Variants in GBP4 observed in about 807,000 individuals in gnomAD.
The protein encoded by GBP4 is guanylate binding protein 4, also known as guanylate-binding protein 4.
GBP4 carries 69 observed loss-of-function variants against 62.2 expected under a neutral mutation model. That is an observed-to-expected ratio of 1.11 (90% CI 0.91 to 1.36). The LOEUF is 1.36. Ranked by LOEUF, GBP4 falls within the 40% of genes most tolerant of loss-of-function variation. The pLI is 0.00. For missense variants in GBP4, 697 were observed against 759.3 expected (o/e 0.92, Z 0.96); for synonymous variants, 278 against 274.6 (o/e 1.01, Z -0.12).
chr1:89,191,203 C>T (rs1648171876), intron 6 of GBP4, 58 bp downstream of exon 6: 1 of 1,577,724 alleles, frequency 6.3e-7, no homozygotes, highest in Non-Finnish European at 8.6e-7. Flanking sequence ...GCAGTCATTA[C>T]AGCTTCAACA....
rs529438124 is a variant in GBP4 at position 89,186,446 on chromosome 1, C to G, written c.1594G>C (p.Glu532Gln). ...TCCTGGAAGCTTCTCTCTTGAGCCT[C>G]CATCATTTGCTGCTGCTCCTTCTGT... The part of the protein sequence containing the change: ...EKQKEQQQMM[E>Q]AQERSFQEYM... The change falls in exon 10 of 11, where the codon GAG becomes CAG. Residue 532 changes from glutamate (E) to glutamine (Q), a missense_variant. This residue lies in a region of GBP4 where 141 missense variants were observed against 196.6 expected (regional missense o/e 0.72). Transcript: ENST00000355754. 3.1e-6 allele frequency: 5 copies of G among 1,612,686 alleles called. No homozygotes were observed. The East Asian group carries it at 1.1e-4, about 36-fold the overall frequency.
rs1242390442 is a variant in GBP4, at chr1:89,183,544, G to A, written c.*1710C>T. ...AGCAATTGCAGCAAAAACAAAAACTGACAAAGGAGATCTAATTAAATTAAA... is the reference window on the plus strand; with the variant it reads ...AGCAATTGCAGCAAAAACAAAAACTAACAAAGGAGATCTAATTAAATTAAA... On this transcript the variant is annotated 3_prime_UTR_variant, in exon 11 of 11. Coordinates refer to ENST00000355754, the MANE Select transcript of GBP4 (RefSeq NM_052941.5). 6.6e-6 allele frequency: 1 copy of A among 152,140 alleles called. No homozygotes were observed. Among genetic ancestry groups the A allele is most frequent in the African/African-American group, 2.4e-5 (1 of 41,414 alleles). The allele number at this position is 152,140 out of a possible 1,614,324, so 9.4% of individuals were successfully genotyped here.
At chr1:89,198,730 G>A in intron 1 of GBP4, 65 bp downstream of exon 1, 1 of 1,396,268 alleles carries the variant, frequency 7.2e-7, no homozygotes, top group South Asian at 1.2e-5. Flanking sequence ...TCTGCGCTTG[G>A]GAATTTGTTG....
Position 89,197,192 on chromosome 1 carries a change from C to G in GBP4, c.153G>C (p.Gln51His), listed in dbSNP as rs1648369585. Residue 51 changes from glutamine (Q) to histidine (H), a missense_variant, in exon 2 of 11, where the codon CAG becomes CAC. By Grantham distance (24) the Gln-to-His change is conservative. Transcript: ENST00000355754. The part of the protein sequence containing the change: ...KALEILDKIS[Q>H]PVVVVAIVGL... ...CTACAATGGCCACCACCACCACGGG[C>G]TGAGAAATCTTGTCAAGAATCTCTA... 1.9e-6 allele frequency: 3 copies of G among 1,614,064 alleles called. No individual in the cohort carries two copies. In the South Asian group the frequency reaches 3.3e-5, roughly 18 times the overall value.
intron 1 of GBP4, 95 bp from the exon 2 acceptor site, chr1:89,197,399 G>T: frequency 1.1e-6 from 1 of 875,730 alleles, no homozygotes; most frequent in South Asian, 2.3e-5. Flanking sequence ...TTTTGCTTGT[G>T]GAATGGTATA....
chr1:89,186,400 T>C lies in GBP4; in HGVS notation c.1640A>G (p.Lys547Arg). The C allele has an allele frequency of 7.2e-7, 1 of 1,393,932 alleles. No individual in the cohort carries two copies. The highest frequency in any genetic ancestry group is 1.0e-6 in the Non-Finnish European group (1 of 979,666). The allele number at this position is 1,393,932 out of a possible 1,614,324, so 86.3% of individuals were successfully genotyped here. Residue 547 changes from lysine (K) to arginine (R), a missense_variant, in exon 10 of 11, where the codon AAG becomes AGG. By Grantham distance (26) the Lys-to-Arg change is conservative. This residue lies in a region of GBP4 where 141 missense variants were observed against 196.6 expected (regional missense o/e 0.72). Transcript: ENST00000355754. Reference sequence around the variant, plus strand: ...GTTTTCCCTTTCCTCCTCCAACTTCTTCTCCATTTGGGCCATGTATTCCTG... The same window carrying C: ...GTTTTCCCTTTCCTCCTCCAACTTCCTCTCCATTTGGGCCATGTATTCCTG... ...SFQEYMAQMEKKLEEERENLL... is the reference protein window; with the variant it reads ...SFQEYMAQMERKLEEERENLL...
In GBP4 at chr1:89,193,073, G is replaced by A; in HGVS notation, c.501C>T (p.Ile167=). 1 of 1,614,198 alleles carries A rather than the reference G, an allele frequency of 6.2e-7. No homozygotes were observed. The highest frequency in any genetic ancestry group is 8.5e-7 in the Non-Finnish European group (1 of 1,180,020). The part of the protein sequence containing the change: ...LHYVTELAEL[I]RAKSCPRPDE... ...CAGGTCTGGGGCAGGATTTTGCCCTGATTAGCTCTGCTAGCTCAGTCACAT... is the reference window on the plus strand; with the variant it reads ...CAGGTCTGGGGCAGGATTTTGCCCTAATTAGCTCTGCTAGCTCAGTCACAT... Residue 167 remains isoleucine, a synonymous_variant, in exon 5 of 11, where the codon ATC becomes ATT. Coordinates refer to ENST00000355754, the MANE Select transcript of GBP4 (RefSeq NM_052941.5).
Position 89,183,137 on chromosome 1 carries a change from C to T in GBP4, c.*2117G>A, listed in dbSNP as rs1647932686. On this transcript the variant is annotated 3_prime_UTR_variant, in exon 11 of 11. Coordinates refer to ENST00000355754, the MANE Select transcript of GBP4 (RefSeq NM_052941.5). ...AACAAAAGGGGAGGCATCAAGTTAC[C>T]AAACCTCAAACCATACTACAGAGCT... 6.6e-6 allele frequency: 1 copy of T among 152,132 alleles called. No homozygotes were observed. Among genetic ancestry groups the T allele is most frequent in the South Asian group, 2.1e-4 (1 of 4,820 alleles). The allele number at this position is 152,132 out of a possible 1,614,324, so 9.4% of individuals were successfully genotyped here.
intron 3 of GBP4, among the ~76,000 whole-genome samples, chr1:89,193,970 G>A (rs1440468477): frequency 6.6e-6 from 1 of 152,188 alleles, no homozygotes; most frequent in African/African-American, 2.4e-5. Flanking sequence ...AGAAGGGAGG[G>A]GGAGGCACAT....
intron 6 of GBP4, 70 bp from the exon 7 acceptor site, chr1:89,190,388 AT>A: frequency 7.3e-7 from 1 of 1,366,354 alleles, no homozygotes; most frequent in South Asian, 1.7e-5. Context: ...AAGAGTCAGC[AT>A]TCTAAAAATT....
chr1:89,193,287 C>T lies in GBP4; in HGVS notation c.473+16G>A, dbSNP rs769301570. The T allele has an allele frequency of 5.0e-6, 8 of 1,611,532 alleles. No homozygotes were observed. The Admixed American group carries it at 6.7e-5, about 13-fold the overall frequency. ...TAAACCCCATAAAACCTGCTCTTCA[C>T]TTCCCAGAAGGATACTGCAGCTGCT... On this transcript the variant is annotated intron_variant, in intron 4 of 10. Coordinates refer to ENST00000355754, the MANE Select transcript of GBP4 (RefSeq NM_052941.5).
Position 89,190,338 on chromosome 1 carries a change from G to A in GBP4, c.917-20C>T, listed in dbSNP as rs778388918. 1.3e-6 allele frequency: 2 copies of A among 1,550,680 alleles called. No homozygotes were observed. The highest frequency in any genetic ancestry group is 1.8e-6 in the Non-Finnish European group (2 of 1,142,426). ...CCAGCCCTGAATCACATATATTTAG[G>A]GAAAATTTACAGTTCTTACTCATTA... On this transcript the variant is annotated intron_variant, in intron 6 of 10. Coordinates refer to ENST00000355754, the MANE Select transcript of GBP4 (RefSeq NM_052941.5).
In GBP4 at chr1:89,185,253, C is replaced by T. The variant is rs1043227339; in HGVS notation, c.*1G>A. ...TTTTCTTACCTGGAATATTCAGGCTCTTAAATACGTGAGCCAAGATATTTT... is the reference window on the plus strand; with the variant it reads ...TTTTCTTACCTGGAATATTCAGGCTTTTAAATACGTGAGCCAAGATATTTT... On this transcript the variant is annotated 3_prime_UTR_variant, in exon 11 of 11. Coordinates refer to ENST00000355754, the MANE Select transcript of GBP4 (RefSeq NM_052941.5). 4.4e-6 allele frequency: 7 copies of T among 1,576,466 alleles called. No individual in the cohort carries two copies. Among genetic ancestry groups the T allele is most frequent in the Non-Finnish European group, 6.1e-6 (7 of 1,147,036 alleles).
chr1:89,191,229 A>G (rs1401157149), intron 6 of GBP4, 32 bp downstream of exon 6: 1 of 1,604,876 alleles, frequency 6.2e-7, no homozygotes, highest in Non-Finnish European at 8.5e-7. Context: ...TGGACCACAG[A>G]CAGACATGCT....
chr1:89,191,614 A>G (rs1422097982), intron 5 of GBP4, 108 bp from the exon 6 acceptor site: 1 of 1,113,140 alleles, frequency 9.0e-7, no homozygotes, highest in African/African-American at 1.6e-5. Flanking sequence ...TGCCTTGTAA[A>G]TCTTGTTTTA....
Position 89,187,361 on chromosome 1 carries a change from C to T in GBP4, c.1411-259G>A, listed in dbSNP as rs148621560. On this transcript the variant is annotated intron_variant, in intron 8 of 10. Coordinates refer to ENST00000355754, the MANE Select transcript of GBP4 (RefSeq NM_052941.5). Reference sequence around the variant, plus strand: ...AGCCTCCTCTCCCAGGGATGCTGCTCACCACCCACCCCCGGTGCAGACAAC... The same window carrying T: ...AGCCTCCTCTCCCAGGGATGCTGCTTACCACCCACCCCCGGTGCAGACAAC... Among the ~76,000 whole-genome samples the T allele has an allele frequency of 1.9e-3, 288 of 152,240 alleles. 1 individual carries two copies. Among genetic ancestry groups the T allele is most frequent in the African/African-American group, 6.5e-3 (269 of 41,544 alleles).
intron 8 of GBP4, among the ~76,000 whole-genome samples, chr1:89,187,333 T>C (rs952284981): frequency 3.9e-5 from 6 of 151,980 alleles, no homozygotes; most frequent in Non-Finnish European, 7.4e-5. Context: ...CTCCTGCCTG[T>C]CCAGCCTCCT....
chr1:89,196,133 T>A (rs1022360041), intron 2 of GBP4, among the ~76,000 whole-genome samples: 9 of 152,052 alleles, frequency 5.9e-5, no homozygotes, highest in Non-Finnish European at 1.3e-4. Context: ...ATAATAAGAG[T>A]ATTAATGACA....
intron 9 of GBP4, 119 bp from the exon 10 acceptor site, chr1:89,186,645 T>C: frequency 2.3e-6 from 2 of 888,258 alleles, no homozygotes; most frequent in Non-Finnish European, 3.4e-6. Flanking sequence ...TGGGAATCTC[T>C]GAATTATCTC....
Sources: gnomAD v4.1 joint callset for allele counts (sites outside exome capture counted in the v4.1 genomes callset) on GRCh38, gnomAD v4.1.1 for gene constraint, gnomAD v4.1.1 regional missense constraint, MANE v1.5 for transcripts, NCBI Gene and HGNC (gene_info 2026-07-23, HGNC 2026-07-21) for gene names.